NBEA: variants seen among roughly 807,000 people sequenced by gnomAD.
NBEA encodes the protein lysosomal-trafficking regulator 2.
NBEA carries 44 observed loss-of-function variants against 343.4 expected under a neutral mutation model. That is an observed-to-expected ratio of 0.13 (90% confidence interval 0.10 to 0.16). The LOEUF is 0.16. Among genes scored for constraint, NBEA ranks in the 10% least tolerant of loss-of-function variants. NBEA has a pLI of 1.00. For missense variants in NBEA, 2,555 were observed against 3,631.3 expected (o/e 0.70, Z 7.62); for synonymous variants, 1,175 against 1,238.7 (o/e 0.95, Z 1.08).
At chr13:35,479,100 A>G (rs1023904986) in intron 41 of NBEA, among the ~76,000 whole-genome samples, 2 of 152,250 alleles carry the variant, frequency 1.3e-5, no homozygotes, top group Non-Finnish European at 2.9e-5. Flanking sequence ...AGAAAGAAAA[A>G]TGGATGGTGA....
intron 39 of NBEA, among the ~76,000 whole-genome samples, chr13:35,443,236 A>G (rs980374169): frequency 3.9e-5 from 6 of 152,018 alleles, no homozygotes; most frequent in African/African-American, 1.4e-4. Context: ...TTAAAACAAA[A>G]GTCTGTACAA....
In NBEA at chr13:35,472,476, G is replaced by T. The variant is rs140518872; in HGVS notation, c.6525G>T (p.Thr2175=). The part of the protein sequence containing the change: ...VVAKGTLSIT[T]TEIYFEVDED... Reference sequence around the variant, plus strand: ...CCAAGGGGACTCTCTCCATCACCACGACAGAAATCTACTTCGAGGTAGATG... The same window carrying T: ...CCAAGGGGACTCTCTCCATCACCACTACAGAAATCTACTTCGAGGTAGATG... The change falls in exon 41 of 59, where the codon ACG becomes ACT. Residue 2175 remains threonine, a synonymous_variant. Coordinates refer to ENST00000379939, the MANE Select transcript of NBEA (RefSeq NM_001385012.1). 1.5e-5 allele frequency: 25 copies of T among 1,613,938 alleles called. No homozygotes were observed. The East Asian group carries it at 5.3e-4, about 35-fold the overall frequency.
chr13:35,294,948 T>C (rs2036024844), intron 35 of NBEA, among the ~76,000 whole-genome samples: 2 of 151,580 alleles, frequency 1.3e-5, no homozygotes, highest in Admixed American at 1.3e-4. Context: ...GAGGAATGAG[T>C]CTGTTCAACA....
At chr13:35,184,117 A>G (rs569264189) in intron 30 of NBEA, 46 bp downstream of exon 30, 4 of 1,374,206 alleles carry the variant, frequency 2.9e-6, no homozygotes, top group Non-Finnish European at 4.1e-6. Flanking sequence ...TTCTTATTTC[A>G]TGAATTGTTT....
At chr13:35,316,923 G>A (rs1001578021) in intron 36 of NBEA, among the ~76,000 whole-genome samples, 1 of 152,048 alleles carries the variant, frequency 6.6e-6, no homozygotes, top group Non-Finnish European at 1.5e-5. Flanking sequence ...AGAAGTATCT[G>A]TTCATATCCT....
chr13:35,328,546 T>C (rs1275170099), intron 36 of NBEA, among the ~76,000 whole-genome samples: 1 of 151,956 alleles, frequency 6.6e-6, no homozygotes, highest in Non-Finnish European at 1.5e-5. Flanking sequence ...AGGGGATGGA[T>C]ACCCCATTTT....
At chr13:35,296,406 A>G (rs1329071825) in intron 35 of NBEA, among the ~76,000 whole-genome samples, 2 of 151,778 alleles carry the variant, frequency 1.3e-5, no homozygotes, top group African/African-American at 2.4e-5. Context: ...GATAAAAAAG[A>G]ACAACAGTCT....
At chr13:35,104,561 A>G (rs1247023826) in intron 11 of NBEA, among the ~76,000 whole-genome samples, 3 of 151,928 alleles carry the variant, frequency 2.0e-5, no homozygotes, top group Non-Finnish European at 4.4e-5. Flanking sequence ...AGGAGTGCTC[A>G]CATTTTGTTA....
At chr13:34,951,533 G>T (rs2059349570) in intron 1 of NBEA, among the ~76,000 whole-genome samples, 1 of 152,196 alleles carries the variant, frequency 6.6e-6, no homozygotes, top group African/African-American at 2.4e-5. Flanking sequence ...GAGTACCTGA[G>T]CCTAGTGACC....
At chr13:35,439,367 T>C (rs769194737) in intron 39 of NBEA, among the ~76,000 whole-genome samples, 4 of 152,156 alleles carry the variant, frequency 2.6e-5, no homozygotes, top group Non-Finnish European at 5.9e-5. Context: ...CTGGTTGGAG[T>C]AGGCTTCGTA....
intron 38 of NBEA, among the ~76,000 whole-genome samples, chr13:35,427,711 G>A (rs1345245994): frequency 6.6e-6 from 1 of 152,226 alleles, no homozygotes; most frequent in Non-Finnish European, 1.5e-5. Flanking sequence ...CTTTTTGTTT[G>A]TCTGTGCCCT....
intron 11 of NBEA, among the ~76,000 whole-genome samples, chr13:35,101,498 T>C (rs2065645542): frequency 6.6e-6 from 1 of 151,922 alleles, no homozygotes; most frequent in South Asian, 2.1e-4. Context: ...TTTATTGATA[T>C]ATATTCTTTG....
chr13:35,509,257 G>T lies in NBEA; in HGVS notation c.6585+36721G>T, dbSNP rs1285754766. ...ATGAAAGGCACAAATTCGATACACCGCCACAACAGGAAATAAGTTCAGAAA... is the reference window on the plus strand; with the variant it reads ...ATGAAAGGCACAAATTCGATACACCTCCACAACAGGAAATAAGTTCAGAAA... On this transcript the variant is annotated intron_variant, in intron 41 of 58. Transcript: ENST00000379939. Among the ~76,000 whole-genome samples the T allele has an allele frequency of 2.6e-5, 4 of 152,122 alleles. No homozygotes were observed. The East Asian group carries it at 7.7e-4, about 29-fold the overall frequency.
At chr13:35,367,100 T>A (rs1420699282) in intron 38 of NBEA, among the ~76,000 whole-genome samples, 1 of 151,264 alleles carries the variant, frequency 6.6e-6, no homozygotes, top group African/African-American at 2.4e-5. Context: ...TAATGTGAAA[T>A]CTGTGAAAAA....
intron 41 of NBEA, among the ~76,000 whole-genome samples, chr13:35,517,691 C>T (rs1368625611): frequency 6.6e-6 from 1 of 152,154 alleles, no homozygotes; most frequent in Non-Finnish European, 1.5e-5. Context: ...ACCAATCAAA[C>T]GTGTGTATTT....
At chr13:35,050,497 C>T in intron 6 of NBEA, 102 bp downstream of exon 6, 1 of 1,220,188 alleles carries the variant, frequency 8.2e-7, no homozygotes. Context: ...TTTTCCTATG[C>T]TTTTAATTGT....
intron 49 of NBEA, among the ~76,000 whole-genome samples, chr13:35,635,115 T>C (rs1239531664): frequency 6.6e-6 from 1 of 152,112 alleles, no homozygotes; most frequent in Non-Finnish European, 1.5e-5. Flanking sequence ...TGAAGGGTAA[T>C]TTAAGGGCCC....
chr13:35,178,731 G>A (rs2071093124), intron 28 of NBEA, among the ~76,000 whole-genome samples: 1 of 151,010 alleles, frequency 6.6e-6, no homozygotes, highest in Admixed American at 6.6e-5. Context: ...AATAATGAAG[G>A]TTTTTTTAAA....
chr13:35,178,469 C>T lies in NBEA; in HGVS notation c.4662+1366C>T, dbSNP rs560630204. 5.9e-4 allele frequency among the ~76,000 whole-genome samples: 89 copies of T among 151,430 alleles called. 1 individual carries two copies. Among genetic ancestry groups the T allele is most frequent in the African/African-American group, 2.0e-3 (82 of 41,402 alleles). ...ATTTTTGAAGGAAATTTAATGACAA[C>T]GGAAAATGATCATGATATATTTTAA... is the stretch of plus-strand genomic sequence containing the variant. On this transcript the variant is annotated intron_variant, in intron 28 of 58. Coordinates refer to ENST00000379939, the MANE Select transcript of NBEA (RefSeq NM_001385012.1).
Sources: allele counts gnomAD v4.1 joint callset (sites outside exome capture counted in the v4.1 genomes callset), GRCh38; gene constraint gnomAD v4.1.1; transcripts MANE v1.5; gene names NCBI Gene and HGNC (gene_info 2026-07-23, HGNC 2026-07-21).